Variants in RNFT2 observed in about 807,000 individuals in gnomAD.
The protein encoded by RNFT2 is E3 ubiquitin-protein ligase RNFT2.
RNFT2 carries 36 observed loss-of-function variants against 53.0 expected under a neutral mutation model. That is an observed-to-expected ratio of 0.68 (90% CI 0.52 to 0.90). The LOEUF (loss-of-function observed/expected upper bound fraction) is 0.90. Among genes scored for constraint, RNFT2 ranks in the 40% least tolerant of loss-of-function variants. The pLI, the probability that RNFT2 is intolerant of heterozygous loss-of-function variation, is 0.00. For synonymous variants in RNFT2, 260 were observed against 253.2 expected (o/e 1.03, Z -0.26); for missense variants, 514 against 585.6 (o/e 0.88, Z 1.26).
chr12:116,848,980 G>A (rs995021457), intron 10 of RNFT2, among the ~76,000 whole-genome samples: 2 of 152,018 alleles, frequency 1.3e-5, no homozygotes, highest in South Asian at 2.1e-4. Flanking sequence ...CACCACGCCC[G>A]GCTAATTTTT....
chr12:116,833,864 A>G lies in RNFT2; in HGVS notation c.955A>G (p.Lys319Glu), dbSNP rs756922767. The G allele has an allele frequency of 2.1e-5, 34 of 1,613,444 alleles. No homozygotes were observed. The highest frequency in any genetic ancestry group is 2.9e-5 in the Non-Finnish European group (34 of 1,179,714). Reference protein sequence around the residue: ...RSLVPIQLWYKYIMGDDSSNS... With the variant: ...RSLVPIQLWYEYIMGDDSSNS... Reference sequence around the variant, plus strand: ...CCTTGTCCCCATCCAGCTGTGGTACAAATACATCATGGGTGACGACTCCTC... The same window carrying G: ...CCTTGTCCCCATCCAGCTGTGGTACGAATACATCATGGGTGACGACTCCTC... The change falls in exon 8 of 11, where the codon AAA (lysine) becomes GAA (glutamate). Residue 319 changes from lysine to glutamate, a missense_variant. Transcript: ENST00000257575.
chr12:116,787,984 A>G (rs7315162), intron 7 of RNFT2, among the ~76,000 whole-genome samples: 110,475 of 152,054 alleles, frequency 0.73, 42,241 homozygotes, highest in Non-Finnish European at 0.85. Context: ...CTGGAGTGCA[A>G]TGGCGCAATC....
chr12:116,787,757 A>G (rs975384305), intron 7 of RNFT2, among the ~76,000 whole-genome samples: 1 of 151,636 alleles, frequency 6.6e-6, no homozygotes, highest in South Asian at 2.1e-4. Context: ...TAATGTGTGT[A>G]TGAAGAGTTA....
chr12:116,755,880 CGAAT>C, intron 5 of RNFT2: 1 of 1,503,586 alleles, frequency 6.7e-7, no homozygotes, highest in Non-Finnish European at 9.1e-7. Flanking sequence ...GTCATTTTGG[CGAAT>C]TACTAGAAGA....
At chr12:116,837,739 T>C (rs1196319165) in intron 10 of RNFT2, among the ~76,000 whole-genome samples, 1 of 152,130 alleles carries the variant, frequency 6.6e-6, no homozygotes, top group East Asian at 1.9e-4. Context: ...GAAATCCAAA[T>C]AGAGTCTGGA....
rs1186451700 is a variant in RNFT2, at chr12:116,779,285, C to A, written c.819C>A (p.Ile273=). 6.2e-7 allele frequency: 1 copy of A among 1,613,996 alleles called. No homozygotes were observed. Among genetic ancestry groups the A allele is most frequent in the Non-Finnish European group, 8.5e-7 (1 of 1,179,888 alleles). The part of the protein sequence containing the change: ...VGIADFVLKY[I]TIALKCLIVA... ...TCGCAGACTTTGTTCTGAAGTACATCACCATCGCCCTCAAGTGCCTCATCG... is the reference window on the plus strand; with the variant it reads ...TCGCAGACTTTGTTCTGAAGTACATAACCATCGCCCTCAAGTGCCTCATCG... The change falls in exon 7 of 11, where the codon ATC becomes ATA. Residue 273 remains isoleucine, a synonymous_variant. Coordinates refer to ENST00000257575, the MANE Select transcript of RNFT2 (RefSeq NM_001382266.1).
chr12:116,820,254 C>G (rs1400862503), intron 7 of RNFT2, among the ~76,000 whole-genome samples: 2 of 152,166 alleles, frequency 1.3e-5, no homozygotes, highest in Admixed American at 6.5e-5. Context: ...TCATGCCTGG[C>G]TAGTTTTTGT....
intron 5 of RNFT2, among the ~76,000 whole-genome samples, chr12:116,762,741 A>T (rs1285392641): frequency 2.0e-5 from 3 of 151,982 alleles, no homozygotes; most frequent in African/African-American, 7.2e-5. Context: ...CCTCCTGAGT[A>T]GCTGAGATTA....
chr12:116,826,424 C>T (rs1321627979), intron 7 of RNFT2, among the ~76,000 whole-genome samples: 2 of 152,200 alleles, frequency 1.3e-5, no homozygotes, highest in Non-Finnish European at 2.9e-5. Flanking sequence ...TGATCGTATT[C>T]CTTGTTCTCT....
At chr12:116,819,802 G>C (rs1429691624) in intron 7 of RNFT2, among the ~76,000 whole-genome samples, 2 of 152,154 alleles carry the variant, frequency 1.3e-5, no homozygotes, top group Non-Finnish European at 2.9e-5. Context: ...AAGCTCAGTG[G>C]ATTTTTACAA....
At chr12:116,847,023 C>T (rs980322909) in intron 10 of RNFT2, among the ~76,000 whole-genome samples, 1 of 151,612 alleles carries the variant, frequency 6.6e-6, no homozygotes, top group African/African-American at 2.4e-5. Context: ...ATTCTCCTGC[C>T]TTAGCCTTCC....
rs997853204 is a variant in RNFT2 at position 116,851,434 on chromosome 12, C to T, written c.*1986C>T. 5.6e-6 allele frequency: 2 copies of T among 356,216 alleles called. No homozygotes were observed. The highest frequency in any genetic ancestry group is 1.1e-5 in the Non-Finnish European group (2 of 190,352). 22.1% of individuals were successfully genotyped at this position (356,216 alleles called of 1,614,324 possible). The stretch of plus-strand genomic sequence containing the variant: ...TTCCAGGCATGGGGCCCAGCAGACA[C>T]GGTCTTCTAAAAGCACACGAGAGGC... On this transcript the variant is annotated 3_prime_UTR_variant, in exon 11 of 11. Transcript: ENST00000257575.
intron 10 of RNFT2, among the ~76,000 whole-genome samples, chr12:116,848,761 C>T (rs145433631): frequency 6.0e-4 from 92 of 152,182 alleles, no homozygotes; most frequent in African/African-American, 2.0e-3. Flanking sequence ...TTGTCCTTAA[C>T]GTCCCAACCC....
intron 7 of RNFT2, among the ~76,000 whole-genome samples, chr12:116,787,988 C>T (rs778192255): frequency 1.3e-5 from 2 of 152,134 alleles, no homozygotes; most frequent in Non-Finnish European, 2.9e-5. Flanking sequence ...AGTGCAATGG[C>T]GCAATCTCGG....
chr12:116,749,896 G>A lies in RNFT2; in HGVS notation c.139G>A (p.Glu47Lys). The A allele has an allele frequency of 1.9e-6, 3 of 1,589,446 alleles. No homozygotes were observed. The highest frequency in any genetic ancestry group is 2.6e-6 in the Non-Finnish European group (3 of 1,167,986). The part of the protein sequence containing the change: ...EASVDEGGVF[E>K]SLKAEAASPP... ...GAGTGTGGATGAAGGTGGCGTCTTT[G>A]AGAGTCTGAAGGCAGAGGCAGCCTC... The change falls in exon 4 of 11, where the codon GAG becomes AAG. Residue 47 changes from glutamate (E) to lysine (K), a missense_variant. By Grantham distance (56) the Glu-to-Lys change is moderately conservative. Transcript: ENST00000257575.
chr12:116,825,635 CTGGCCT>C (rs767414993), intron 7 of RNFT2, among the ~76,000 whole-genome samples: 7 of 152,234 alleles, frequency 4.6e-5, no homozygotes, highest in Non-Finnish European at 1.0e-4. Context: ...TAGCTTGAAG[CTGGCCT>C]TGTGGGAACA....
intron 7 of RNFT2, among the ~76,000 whole-genome samples, chr12:116,798,247 G>A (rs1874602525): frequency 6.6e-6 from 1 of 151,904 alleles, no homozygotes; most frequent in Non-Finnish European, 1.5e-5. Flanking sequence ...AGAAGCAGCA[G>A]CAGCAGCAAA....
intron 7 of RNFT2, among the ~76,000 whole-genome samples, chr12:116,828,600 G>T (rs1191509253): frequency 6.6e-6 from 1 of 152,146 alleles, no homozygotes; most frequent in Admixed American, 6.6e-5. Context: ...CCAGAACCTG[G>T]CATTGTGTCT....
At chr12:116,762,064 CAAAA>C (rs796440574) in intron 5 of RNFT2, among the ~76,000 whole-genome samples, 2 of 121,682 alleles carry the variant, frequency 1.6e-5, no homozygotes, top group South Asian at 2.7e-4. Flanking sequence ...GAGACTGTCT[CAAAA>C]AAAAAAAAAA....
Sources: allele counts gnomAD v4.1 joint callset (sites outside exome capture counted in the v4.1 genomes callset), GRCh38; gene constraint gnomAD v4.1.1; transcripts MANE v1.5; gene names NCBI Gene and HGNC (gene_info 2026-07-23, HGNC 2026-07-21).